MNAT1: variants seen among roughly 807,000 people sequenced by gnomAD.
MNAT1 encodes the protein MNAT1 component of CDK activating kinase.
A neutral mutation model predicts 42.0 loss-of-function variants in MNAT1; 43 were observed. That is an observed-to-expected ratio of 1.02 (90% CI 0.80 to 1.32). MNAT1 has a LOEUF of 1.32. MNAT1 is among the 40% of genes most tolerant of loss of function. The pLI is 0.00. For synonymous variants in MNAT1, 118 were observed against 120.0 expected (o/e 0.98, Z 0.11); for missense variants, 306 against 350.4 (o/e 0.87, Z 1.01).
intron 4 of MNAT1, 44 bp downstream of exon 4, chr14:60,808,472 A>C: frequency 8.8e-7 from 1 of 1,133,558 alleles, no homozygotes; most frequent in Non-Finnish European, 1.3e-6. Context: ...TTAGAAACAA[A>C]TGTTTCCACA....
At chr14:60,844,270 TA>T (rs1230414788) in intron 6 of MNAT1, among the ~76,000 whole-genome samples, 1 of 152,140 alleles carries the variant, frequency 6.6e-6, no homozygotes, top group Non-Finnish European at 1.5e-5. Context: ...AAATTCTTGG[TA>T]AAAGTATAAT....
intron 6 of MNAT1, among the ~76,000 whole-genome samples, chr14:60,854,589 G>T (rs1431458293): frequency 6.6e-6 from 1 of 152,122 alleles, no homozygotes; most frequent in African/African-American, 2.4e-5. Flanking sequence ...TTTGCTGGAG[G>T]TCCACTCCAG....
chr14:60,854,958 G>A (rs1008307249), intron 6 of MNAT1, among the ~76,000 whole-genome samples: 3 of 152,278 alleles, frequency 2.0e-5, no homozygotes, highest in Admixed American at 6.5e-5. Context: ...GAGAGACGGG[G>A]GTTTTGTCTG....
Position 60,968,547 on chromosome 14 carries a change from T to C in MNAT1, c.*198T>C, listed in dbSNP as rs1281998927. 4.3e-6 allele frequency: 6 copies of C among 1,388,110 alleles called. No individual in the cohort carries two copies. In the South Asian group the frequency reaches 7.5e-5, roughly 17 times the overall value. The allele number at this position is 1,388,110 out of a possible 1,614,324, so 86.0% of individuals were successfully genotyped here. A position where few individuals can be genotyped will look rare whatever the true frequency, so the allele number is the denominator to read the frequency against. On this transcript the variant is annotated 3_prime_UTR_variant, in exon 8 of 8. Coordinates refer to ENST00000261245, the MANE Select transcript of MNAT1 (RefSeq NM_002431.4). Reference sequence around the variant, plus strand: ...ATATTTGTGAAAAATAATTTTTACTTATATTTTTCAGAGGATTTGACACGA... The same window carrying C: ...ATATTTGTGAAAAATAATTTTTACTCATATTTTTCAGAGGATTTGACACGA...
chr14:60,803,834 A>G (rs1319161745), intron 3 of MNAT1, among the ~76,000 whole-genome samples: 2 of 151,926 alleles, frequency 1.3e-5, no homozygotes, highest in African/African-American at 2.4e-5. Flanking sequence ...TGAAAACATT[A>G]TAATTTTAAT....
At chr14:60,738,707 GTAGT>G (rs1488004776) in intron 1 of MNAT1, among the ~76,000 whole-genome samples, 1 of 151,962 alleles carries the variant, frequency 6.6e-6, no homozygotes, top group Non-Finnish European at 1.5e-5. Context: ...GGCTAATTTT[GTAGT>G]TTTAGTAGAG....
rs556008133 is a variant in MNAT1, at chr14:60,915,128, CT to C, written c.809+35300del. ...CTGGATTCTGCTTGTCTCAGTGTAA[CT>C]TTTTTTACTCTGCCCAGCTTCTAAA... On this transcript the variant is annotated intron_variant, in intron 7 of 7. Transcript: ENST00000261245. 2.1e-3 allele frequency among the ~76,000 whole-genome samples: 317 copies of C among 152,178 alleles called. 1 individual carries two copies. Among genetic ancestry groups the C allele is most frequent in the African/African-American group, 7.3e-3 (302 of 41,540 alleles).
At position 60,909,518 on chromosome 14, in the gene MNAT1, C is replaced by T. The variant is rs552357787; in HGVS notation, c.809+29683C>T. Among the ~76,000 whole-genome samples, 44 of 152,212 alleles carry T rather than the reference C, an allele frequency of 2.9e-4. No homozygotes were observed. The South Asian group carries it at 7.5e-3, about 26-fold the overall frequency. On this transcript the variant is annotated intron_variant, in intron 7 of 7. Transcript: ENST00000261245. ...TTTTTGTATAAGGTGTAAGGAAGGG[C>T]TCCAGTTTCAGCTTTCTACATATGG... is the stretch of plus-strand genomic sequence containing the variant.
chr14:60,864,815 G>C (rs2034169812), intron 6 of MNAT1, among the ~76,000 whole-genome samples: 1 of 151,864 alleles, frequency 6.6e-6, no homozygotes, highest in Admixed American at 6.6e-5. Context: ...CATTTGGTTT[G>C]GGGAAGTTAG....
chr14:60,807,937 T>A (rs1212719877), intron 3 of MNAT1, among the ~76,000 whole-genome samples: 1 of 152,092 alleles, frequency 6.6e-6, no homozygotes, highest in Non-Finnish European at 1.5e-5. Flanking sequence ...TATGATTTTT[T>A]AACTCTTTTT....
At chr14:60,801,254 G>A (rs2032192940) in intron 3 of MNAT1, among the ~76,000 whole-genome samples, 1 of 151,680 alleles carries the variant, frequency 6.6e-6, no homozygotes, top group South Asian at 2.1e-4. Context: ...TTATAGGTGG[G>A]TAAAACATGA....
chr14:60,914,817 A>G (rs1005573298), intron 7 of MNAT1, among the ~76,000 whole-genome samples: 3 of 152,226 alleles, frequency 2.0e-5, no homozygotes, highest in Non-Finnish European at 2.9e-5. Flanking sequence ...AAGAAGTGCG[A>G]TTATTGAAGC....
chr14:60,898,146 C>T (rs868659867), intron 7 of MNAT1, among the ~76,000 whole-genome samples: 25 of 128,520 alleles, frequency 1.9e-4, no homozygotes, highest in South Asian at 7.3e-4. Flanking sequence ...TGTGTGCGCG[C>T]GCCACATTTT....
intron 1 of MNAT1, among the ~76,000 whole-genome samples, chr14:60,787,443 T>C (rs2140319270): frequency 6.6e-6 from 1 of 152,282 alleles, no homozygotes; most frequent in South Asian, 2.1e-4. Flanking sequence ...CTTGCCCAGA[T>C]GTTGATGGCT....
intron 6 of MNAT1, among the ~76,000 whole-genome samples, chr14:60,864,567 G>A (rs796820038): frequency 1.6e-4 from 25 of 152,038 alleles, no homozygotes; most frequent in African/African-American, 6.0e-4. Flanking sequence ...CACAGTGCTT[G>A]GCACATAGTA....
At chr14:60,906,302 C>G (rs1208848950) in intron 7 of MNAT1, among the ~76,000 whole-genome samples, 2 of 152,140 alleles carry the variant, frequency 1.3e-5, no homozygotes, top group Non-Finnish European at 2.9e-5. Context: ...ATGGTCAAGA[C>G]TTGGGTTTTT....
At chr14:60,837,008 T>C (rs1380769907) in intron 6 of MNAT1, among the ~76,000 whole-genome samples, 1 of 152,168 alleles carries the variant, frequency 6.6e-6, no homozygotes, top group Non-Finnish European at 1.5e-5. Context: ...TCCCTGATGC[T>C]TTGTTTACAC....
chr14:60,869,656 G>C (rs2034285758), intron 6 of MNAT1, among the ~76,000 whole-genome samples: 1 of 152,164 alleles, frequency 6.6e-6, no homozygotes, highest in African/African-American at 2.4e-5. Flanking sequence ...TAAATTGTCA[G>C]CACTTTGTAA....
intron 3 of MNAT1, chr14:60,799,166 A>G (rs2032119651): frequency 6.0e-6 from 5 of 831,178 alleles, no homozygotes; most frequent in South Asian, 1.1e-4. Context: ...TGTGGAAAAC[A>G]TAATTTAGGG....
Sources: gnomAD v4.1 joint callset for allele counts (sites outside exome capture counted in the v4.1 genomes callset) on GRCh38, gnomAD v4.1.1 for gene constraint, MANE v1.5 for transcripts, NCBI Gene and HGNC (gene_info 2026-07-23, HGNC 2026-07-21) for gene names.